The following MITF variants were observed in gnomAD, a reference collection of about 807,000 sequenced individuals.
MITF encodes microphthalmia-associated transcription factor.
In MITF, 17 loss-of-function variants were observed where a neutral mutation model predicts 60.5. That is an observed-to-expected ratio of 0.28 (90% CI 0.19 to 0.42). MITF has a LOEUF of 0.42. Among genes scored for constraint, MITF ranks in the 10% least tolerant of loss-of-function variants. MITF has a pLI of 1.00. For synonymous variants in MITF, 260 were observed against 248.5 expected (o/e 1.05, Z -0.43); for missense variants, 622 against 683.5 (o/e 0.91, Z 1.00).
At chr3:69,787,656 G>A (rs1029988540) in intron 1 of MITF, among the ~76,000 whole-genome samples, 2 of 152,048 alleles carry the variant, frequency 1.3e-5, no homozygotes, top group African/African-American at 4.8e-5. Flanking sequence ...TTTCATTAGG[G>A]CAGTATAAAT....
chr3:69,856,742 A>C (rs2063925350), intron 1 of MITF, among the ~76,000 whole-genome samples: 1 of 152,164 alleles, frequency 6.6e-6, no homozygotes, highest in African/African-American at 2.4e-5. Flanking sequence ...TTCTATTAAG[A>C]AGTATAAATT....
In MITF at chr3:69,792,998, C is replaced by CTTTTT. The variant is rs58440406; in HGVS notation, c.104+53326_104+53330dup. Among the ~76,000 whole-genome samples the CTTTTT allele has an allele frequency of 9.0e-3, 281 of 31,106 alleles. 65 individuals carry two copies. The highest frequency in any genetic ancestry group is 0.077 in the Middle Eastern group (2 of 26). The allele number at this position is 31,106 out of a possible 152,430, so 20.4% of individuals were successfully genotyped here. A position where few individuals can be genotyped will look rare whatever the true frequency, so the allele number is the denominator to read the frequency against. Reference sequence around the variant, plus strand: ...TTGTTTTATGGGCTAAAGTCTTTAGCTTTTTTTTTTTTTTTTTTTTTTTTT... The same window carrying CTTTTT: ...TTGTTTTATGGGCTAAAGTCTTTAGCTTTTTTTTTTTTTTTTTTTTTTTTTTTTTT... On this transcript the variant is annotated intron_variant, in intron 1 of 9. Coordinates refer to ENST00000352241, the MANE Select transcript of MITF (RefSeq NM_001354604.2).
intron 2 of MITF, among the ~76,000 whole-genome samples, chr3:69,935,868 A>G (rs958236293): frequency 1.3e-5 from 2 of 152,224 alleles, no homozygotes; most frequent in South Asian, 4.1e-4. Context: ...ATATGTAAAT[A>G]TATCAGTGTT....
intron 2 of MITF, among the ~76,000 whole-genome samples, chr3:69,934,164 G>T (rs540942685): frequency 6.6e-6 from 1 of 152,170 alleles, no homozygotes; most frequent in African/African-American, 2.4e-5. Context: ...TGATCAGAGG[G>T]CCCTGGTTGT....
intron 2 of MITF, among the ~76,000 whole-genome samples, chr3:69,913,948 T>A (rs2065278164): frequency 6.6e-6 from 1 of 152,200 alleles, no homozygotes; most frequent in Non-Finnish European, 1.5e-5. Flanking sequence ...ATTTTCTTCC[T>A]TTTTGAAATG....
chr3:69,967,024 C>G lies in MITF; in HGVS notation c.*1776C>G. Reference sequence around the variant, plus strand: ...TATTTTAGTGACAGAGTGCCAACTTCTTTCATCAGGAAACCTTATTCAGGA... The same window carrying G: ...TATTTTAGTGACAGAGTGCCAACTTGTTTCATCAGGAAACCTTATTCAGGA... On this transcript the variant is annotated 3_prime_UTR_variant, in exon 10 of 10. Coordinates refer to ENST00000352241, the MANE Select transcript of MITF (RefSeq NM_001354604.2). The G allele has an allele frequency of 1.3e-5, 3 of 232,218 alleles. No homozygotes were observed. The highest frequency in any genetic ancestry group is 2.6e-5 in the Non-Finnish European group (3 of 117,172). 14.4% of individuals were successfully genotyped at this position (232,218 alleles called of 1,614,324 possible). A position where few individuals can be genotyped will look rare whatever the true frequency, so the allele number is the denominator to read the frequency against.
intron 5 of MITF, 47 bp downstream of exon 5, chr3:69,941,378 G>A: frequency 8.0e-7 from 1 of 1,256,910 alleles, no homozygotes; most frequent in Non-Finnish European, 1.2e-6. Flanking sequence ...GTGTTTCCAG[G>A]GTTCTTTTCT....
chr3:69,940,718 G>A (rs1356079848), intron 4 of MITF, among the ~76,000 whole-genome samples: 1 of 152,126 alleles, frequency 6.6e-6, no homozygotes, highest in African/African-American at 2.4e-5. Context: ...AAAGGGTAGG[G>A]GCCATCGTCT....
chr3:69,839,808 A>T (rs1165056411), intron 1 of MITF, among the ~76,000 whole-genome samples: 13 of 152,038 alleles, frequency 8.6e-5, no homozygotes, highest in Non-Finnish European at 1.9e-4. Flanking sequence ...AAACGTTCAC[A>T]TTAGGACCTT....
At chr3:69,763,912 G>C (rs757228287) in intron 1 of MITF, 3 of 1,374,224 alleles carry the variant, frequency 2.2e-6, no homozygotes, top group Middle Eastern at 2.0e-4. Flanking sequence ...AAGGAAACCA[G>C]GAAATTGACT....
intron 1 of MITF, among the ~76,000 whole-genome samples, chr3:69,778,184 A>C (rs17006425): frequency 0.025 from 3,821 of 152,186 alleles, 166 homozygotes; most frequent in African/African-American, 0.088. Flanking sequence ...TCACATGGGC[A>C]GGTGGTTAGA....
At chr3:69,872,915 G>A (rs978117709) in intron 1 of MITF, among the ~76,000 whole-genome samples, 4 of 152,148 alleles carry the variant, frequency 2.6e-5, no homozygotes, top group East Asian at 1.9e-4. Context: ...GTCCAGTTGC[G>A]ACACCATGAT....
intron 1 of MITF, among the ~76,000 whole-genome samples, chr3:69,824,328 A>G (rs1157885223): frequency 6.6e-6 from 1 of 152,194 alleles, no homozygotes; most frequent in African/African-American, 2.4e-5. Flanking sequence ...TAGTACTCAC[A>G]AGAACATGTC....
intron 1 of MITF, among the ~76,000 whole-genome samples, chr3:69,742,583 A>G (rs1703567707): frequency 6.6e-6 from 1 of 152,028 alleles, no homozygotes; most frequent in East Asian, 1.9e-4. Flanking sequence ...CCCTTCCACC[A>G]CTGGGCATTT....
At chr3:69,760,131 C>T (rs2062191378) in intron 1 of MITF, among the ~76,000 whole-genome samples, 1 of 152,142 alleles carries the variant, frequency 6.6e-6, no homozygotes, top group Non-Finnish European at 1.5e-5. Context: ...CCATCACTTC[C>T]AGATCTTTAA....
chr3:69,953,875 T>C (rs1422894825), intron 7 of MITF, among the ~76,000 whole-genome samples: 1 of 152,010 alleles, frequency 6.6e-6, no homozygotes, highest in Non-Finnish European at 1.5e-5. Flanking sequence ...ATGTATAATA[T>C]CCCATTGTGT....
intron 1 of MITF, among the ~76,000 whole-genome samples, chr3:69,870,339 T>G (rs1485435311): frequency 1.3e-5 from 2 of 149,208 alleles, no homozygotes; most frequent in Non-Finnish European, 3.0e-5. Context: ...CACACATACA[T>G]GTGTGTATAT....
At chr3:69,883,524 A>G (rs182606841) in intron 2 of MITF, among the ~76,000 whole-genome samples, 2 of 152,242 alleles carry the variant, frequency 1.3e-5, no homozygotes, top group Non-Finnish European at 2.9e-5. Context: ...TCAAGGTGTG[A>G]TTTATTTTTT....
intron 2 of MITF, among the ~76,000 whole-genome samples, chr3:69,930,168 G>GGA (rs2065686196): frequency 6.6e-6 from 1 of 152,074 alleles, no homozygotes; most frequent in Non-Finnish European, 1.5e-5. Flanking sequence ...GTAGGCCAGT[G>GGA]GAGATGAGTC....
Sources: gnomAD v4.1 joint callset for allele counts (sites outside exome capture counted in the v4.1 genomes callset) on GRCh38, gnomAD v4.1.1 for gene constraint, MANE v1.5 for transcripts, NCBI Gene and HGNC (gene_info 2026-07-23, HGNC 2026-07-21) for gene names.